HEPHL1: variants seen among roughly 807,000 people sequenced by gnomAD.
The protein encoded by HEPHL1 is ferroxidase HEPHL1.
HEPHL1 carries 123 observed loss-of-function variants against 122.0 expected under a neutral mutation model. The observed-to-expected ratio is 1.01, with a 90% CI of 0.87 to 1.17. HEPHL1 has a LOEUF of 1.17. Ranked by LOEUF, HEPHL1 falls within the 50% of genes most tolerant of loss-of-function variation. The pLI, the probability that HEPHL1 is intolerant of heterozygous loss-of-function variation, is 0.00. For synonymous variants in HEPHL1, 527 were observed against 508.9 expected (o/e 1.04, Z -0.48); for missense variants, 1,452 against 1,430.5 (o/e 1.01, Z -0.24).
chr11:94,086,822 G>A (rs541773117), intron 11 of HEPHL1, among the ~76,000 whole-genome samples: 1 of 152,342 alleles, frequency 6.6e-6, no homozygotes, highest in South Asian at 2.1e-4. Flanking sequence ...AAAAGATCTA[G>A]AGCAACACGT....
intron 17 of HEPHL1, among the ~76,000 whole-genome samples, chr11:94,109,393 T>C (rs1046214645): frequency 6.6e-6 from 1 of 152,156 alleles, no homozygotes; most frequent in Non-Finnish European, 1.5e-5. Context: ...CAATTTTGAA[T>C]ATGAGTGGTG....
At position 94,021,488 on chromosome 11, in the gene HEPHL1, T is replaced by C. The variant is rs1222048401; in HGVS notation, c.120T>C (p.Tyr40=). The change falls in exon 1 of 20, where the codon TAT becomes TAC. Residue 40 remains tyrosine (Y), a synonymous_variant. Transcript: ENST00000315765. ...GGATTGTGGAAGAATACTGGAACTATGTACCCCAAGGGAAGAATGTTATTA... is the reference window on the plus strand; with the variant it reads ...GGATTGTGGAAGAATACTGGAACTACGTACCCCAAGGGAAGAATGTTATTA... ...YIGIVEEYWN[Y]VPQGKNVITG... 1.9e-6 allele frequency: 3 copies of C among 1,613,302 alleles called. No individual in the cohort carries two copies. Among genetic ancestry groups the C allele is most frequent in the Non-Finnish European group, 2.5e-6 (3 of 1,179,490 alleles).
At chr11:94,064,555 C>G in intron 4 of HEPHL1, 45 bp downstream of exon 4, 1 of 1,288,134 alleles carries the variant, frequency 7.8e-7, no homozygotes, top group Non-Finnish European at 1.1e-6. Flanking sequence ...GCCTTTTATA[C>G]TATAAGGTAC....
intron 18 of HEPHL1, 120 bp from the exon 19 acceptor site, chr11:94,111,417 C>T (rs1946447677): frequency 1.2e-6 from 1 of 817,374 alleles, no homozygotes; most frequent in Non-Finnish European, 2.0e-6. Context: ...AGTAAGAATC[C>T]AGAAATGATT....
intron 1 of HEPHL1, among the ~76,000 whole-genome samples, chr11:94,027,811 G>A (rs918949791): frequency 1.5e-4 from 23 of 152,168 alleles, no homozygotes; most frequent in African/African-American, 4.3e-4. Flanking sequence ...CCAAGACATA[G>A]GTGGTGCCAG....
At chr11:94,105,292 C>T (rs1283110879) in intron 16 of HEPHL1, among the ~76,000 whole-genome samples, 1 of 152,220 alleles carries the variant, frequency 6.6e-6, no homozygotes, top group Non-Finnish European at 1.5e-5. Flanking sequence ...CACAAAGCTA[C>T]TTGTTAATAT....
chr11:94,111,767 T>A lies in HEPHL1; in HGVS notation c.3353T>A (p.Ile1118Asn), dbSNP rs1946452028. The A allele has an allele frequency of 4.4e-6, 7 of 1,600,000 alleles. No individual in the cohort carries two copies. The highest frequency in any genetic ancestry group is 1.1e-5 in the South Asian group (1 of 88,168). ...GPTGAKAALV[I>N]LFIIGLLLLI... ...ACAGGAGCCAAGGCAGCCTTGGTCA[T>A]CCTTTTCATCATTGGACTCCTCCTT... is the stretch of plus-strand genomic sequence containing the variant. Residue 1118 changes from isoleucine to asparagine, a missense_variant, in exon 20 of 20, where the codon ATC becomes AAC. By Grantham distance (149) the Ile-to-Asn change is moderately radical. Coordinates refer to ENST00000315765, the MANE Select transcript of HEPHL1 (RefSeq NM_001098672.2).
intron 9 of HEPHL1, among the ~76,000 whole-genome samples, chr11:94,079,134 T>G (rs1034005489): frequency 2.0e-5 from 3 of 152,320 alleles, no homozygotes; most frequent in Admixed American, 1.3e-4. Flanking sequence ...TTAATATTTG[T>G]CAGTTGTTGC....
intron 2 of HEPHL1, among the ~76,000 whole-genome samples, chr11:94,057,160 G>T (rs1008180893): frequency 6.6e-6 from 1 of 151,974 alleles, no homozygotes; most frequent in African/African-American, 2.4e-5. Context: ...GGTCATTTTT[G>T]TCTATCTGAT....
chr11:94,103,921 G>A (rs1300484792), intron 15 of HEPHL1, among the ~76,000 whole-genome samples: 1 of 152,178 alleles, frequency 6.6e-6, no homozygotes, highest in Non-Finnish European at 1.5e-5. Context: ...TACTTATTGA[G>A]CACTTGTGAT....
chr11:94,043,210 A>C (rs1311038588), intron 1 of HEPHL1, among the ~76,000 whole-genome samples: 1 of 152,180 alleles, frequency 6.6e-6, no homozygotes, highest in Non-Finnish European at 1.5e-5. Flanking sequence ...AACAAGTAGG[A>C]GTTGATTAGA....
At chr11:94,039,553 C>G (rs1275472956) in intron 1 of HEPHL1, among the ~76,000 whole-genome samples, 1 of 151,542 alleles carries the variant, frequency 6.6e-6, no homozygotes, top group Non-Finnish European at 1.5e-5. Flanking sequence ...AACTACAACT[C>G]AGGATTAAGA....
intron 2 of HEPHL1, chr11:94,055,173 C>G (rs569894762): frequency 9.3e-5 from 21 of 225,454 alleles, no homozygotes; most frequent in Non-Finnish European, 1.4e-4. Context: ...AATTGGCACT[C>G]AGCTCAGCTG....
At chr11:94,021,592 T>C (rs1945582724) in intron 1 of HEPHL1, 54 bp downstream of exon 1, 1 of 1,367,084 alleles carries the variant, frequency 7.3e-7, no homozygotes, top group East Asian at 2.3e-5. Context: ...TTTTTGACTT[T>C]GTGTGGGGAA....
intron 1 of HEPHL1, among the ~76,000 whole-genome samples, chr11:94,024,216 C>T (rs1346352752): frequency 6.6e-6 from 1 of 152,178 alleles, no homozygotes; most frequent in African/African-American, 2.4e-5. Flanking sequence ...TGGAAAGAAC[C>T]TGAAATAGAA....
chr11:94,073,316 A>T lies in HEPHL1; in HGVS notation c.1381A>T (p.Ile461Phe), dbSNP rs371001785. The T allele has an allele frequency of 6.2e-7, 1 of 1,609,916 alleles. No homozygotes were observed. Among genetic ancestry groups the T allele is most frequent in the Non-Finnish European group, 8.5e-7 (1 of 1,178,084 alleles). Residue 461 changes from isoleucine (I) to phenylalanine (F), a missense_variant, in exon 8 of 20, where the codon ATC becomes TTC. By Grantham distance (21) the Ile-to-Phe change is conservative (BLOSUM62 0). Transcript: ENST00000315765. ...TCTGGATATTTTTTCAGGCCCAGTC[A>T]TCAAGGCAGAGGTGGGTGATACCCT... ...EAHLGILGPV[I>F]KAEVGDTLLV...
rs190840868 is a variant in HEPHL1 at position 94,035,646 on chromosome 11, T to C, written c.171-10027T>C. ...CCTGGGAGAGTTCTTAAAGGGGTCA[T>C]GCGGGGTGATAGGGGCAGCCAGAGC... On this transcript the variant is annotated intron_variant, in intron 1 of 19. Transcript: ENST00000315765. Among the ~76,000 whole-genome samples the C allele has an allele frequency of 1.1e-3, 170 of 152,314 alleles. 1 individual carries two copies. In the East Asian group the frequency reaches 0.013, roughly 12 times the overall value.
intron 9 of HEPHL1, among the ~76,000 whole-genome samples, chr11:94,081,272 C>A (rs966421703): frequency 3.3e-5 from 5 of 152,120 alleles, no homozygotes; most frequent in South Asian, 2.1e-4. Flanking sequence ...GGGAGGGGAA[C>A]AACACACACT....
intron 9 of HEPHL1, among the ~76,000 whole-genome samples, chr11:94,078,777 T>C (rs1030396667): frequency 2.6e-5 from 4 of 152,130 alleles, no homozygotes; most frequent in African/African-American, 4.8e-5. Flanking sequence ...CTTCAACCAA[T>C]TGGATGGGGT....
Sources: allele counts gnomAD v4.1 joint callset (sites outside exome capture counted in the v4.1 genomes callset), GRCh38; gene constraint gnomAD v4.1.1; transcripts MANE v1.5; gene names NCBI Gene and HGNC (gene_info 2026-07-23, HGNC 2026-07-21).